Variants in TMEM114 observed in about 807,000 individuals in gnomAD.
TMEM114 encodes the protein claudin-26.
TMEM114 carries 6 observed loss-of-function variants against 6.2 expected under a neutral mutation model. That is an observed-to-expected ratio of 0.97 (90% confidence interval 0.53 to 1.91). The LOEUF (loss-of-function observed/expected upper bound fraction) is 1.91, where lower values mean the gene tolerates loss of function less well. Among genes scored for constraint, TMEM114 ranks in the 40% most tolerant of loss-of-function variants. The pLI is 0.01. For missense variants in TMEM114, 218 were observed against 158.3 expected, an observed-to-expected ratio of 1.38 and a Z score of -2.02; for synonymous variants, 104 against 73.0, an observed-to-expected ratio of 1.42 and a Z score of -2.16.
intron 2 of TMEM114, among the ~76,000 whole-genome samples, chr16:8,585,059 C>A (rs1385789293): frequency 6.6e-6 from 1 of 152,070 alleles, no homozygotes; most frequent in Admixed American, 6.6e-5. Context: ...GCCTCACAAT[C>A]CTGGCTGAAG....
At chr16:8,544,897 G>A (rs1233707686) in intron 2 of TMEM114, among the ~76,000 whole-genome samples, 2 of 151,098 alleles carry the variant, frequency 1.3e-5, no homozygotes, top group East Asian at 3.9e-4. Flanking sequence ...TATTCCAAGT[G>A]GTTACTCTTC....
chr16:8,544,883 T>A (rs529742500), intron 2 of TMEM114, among the ~76,000 whole-genome samples: 2 of 152,194 alleles, frequency 1.3e-5, no homozygotes, highest in South Asian at 2.1e-4. Context: ...AATATGAATG[T>A]GTCTATTCCA....
chr16:8,551,967 G>T (rs1186507341), intron 2 of TMEM114, among the ~76,000 whole-genome samples: 1 of 152,184 alleles, frequency 6.6e-6, no homozygotes, highest in East Asian at 1.9e-4. Flanking sequence ...GCTGAGTGAA[G>T]AAAAGCCAGT....
At chr16:8,537,431 G>A (rs1460583755), downstream of TMEM114, among the ~76,000 whole-genome samples, 1 of 152,118 alleles carries the variant, frequency 6.6e-6, no homozygotes, top group Non-Finnish European at 1.5e-5. Context: ...AACCCGGGAG[G>A]CAGAGGTTTC....
At chr16:8,579,866 C>G (rs1451326849) in intron 2 of TMEM114, among the ~76,000 whole-genome samples, 1 of 152,086 alleles carries the variant, frequency 6.6e-6, no homozygotes, top group African/African-American at 2.4e-5. Flanking sequence ...ACAAAGGGGT[C>G]GTGGGACTGC....
intron 3 of TMEM114, 93 bp downstream of exon 3, chr16:8,571,994 G>A: frequency 7.2e-7 from 1 of 1,397,776 alleles, no homozygotes; most frequent in Non-Finnish European, 9.4e-7. Flanking sequence ...ACGAGGCCCT[G>A]GGATCCCCCT....
intron 2 of TMEM114, among the ~76,000 whole-genome samples, chr16:8,555,792 T>A (rs1294866490): frequency 1.3e-5 from 2 of 152,190 alleles, no homozygotes; most frequent in Non-Finnish European, 2.9e-5. Context: ...ATCTACTGGG[T>A]GGAATCCAGG....
chr16:8,550,717 C>G (rs1405188278), intron 2 of TMEM114, among the ~76,000 whole-genome samples: 1 of 150,804 alleles, frequency 6.6e-6, no homozygotes, highest in Non-Finnish European at 1.5e-5. Flanking sequence ...AAAAAGCAAG[C>G]AAACAAACAA....
At chr16:8,576,228 C>G (rs1322366333) in intron 2 of TMEM114, among the ~76,000 whole-genome samples, 1 of 152,216 alleles carries the variant, frequency 6.6e-6, no homozygotes, top group Non-Finnish European at 1.5e-5. Flanking sequence ...GTCTGCCTCC[C>G]TATAGATAAG....
intron 2 of TMEM114, among the ~76,000 whole-genome samples, chr16:8,551,690 G>A (rs77874540): frequency 0.021 from 3,201 of 152,288 alleles, 104 homozygotes; most frequent in African/African-American, 0.073. Flanking sequence ...ATAGAGTAGC[G>A]CAATTGATAT....
At chr16:8,527,815 G>A in the TMEM114 span, among the ~76,000 whole-genome samples, 2,768 of 152,222 alleles carry the variant, frequency 0.018, 46 homozygotes, top group African/African-American at 0.04. Context: ...TACAGGATGT[G>A]GAGTTTGGGT....
intron 2 of TMEM114, among the ~76,000 whole-genome samples, chr16:8,578,211 C>T (rs935442034): frequency 1.3e-5 from 2 of 152,114 alleles, no homozygotes; most frequent in South Asian, 2.1e-4. Flanking sequence ...TGAAGGCAAA[C>T]TGGGTGGCTT....
intron 2 of TMEM114, among the ~76,000 whole-genome samples, chr16:8,547,819 G>A (rs1484280260): frequency 6.6e-6 from 1 of 152,122 alleles, no homozygotes; most frequent in Non-Finnish European, 1.5e-5. Context: ...TAATTACCAT[G>A]AGAGACTCTC....
downstream of TMEM114, among the ~76,000 whole-genome samples, chr16:8,534,383 A>G (rs1297127136): frequency 6.6e-6 from 1 of 151,266 alleles, no homozygotes; most frequent in Non-Finnish European, 1.5e-5. Flanking sequence ...CATGTCCTTT[A>G]TAGCTATCAC....
chr16:8,539,529 TC>T (rs1314152189), intron 2 of TMEM114, among the ~76,000 whole-genome samples: 1 of 151,924 alleles, frequency 6.6e-6, no homozygotes, highest in Non-Finnish European at 1.5e-5. Context: ...ACCCTCTCCT[TC>T]CATCCTCCCA....
intron 2 of TMEM114, among the ~76,000 whole-genome samples, chr16:8,575,912 T>C (rs1012848099): frequency 1.3e-5 from 2 of 152,198 alleles, no homozygotes; most frequent in African/African-American, 4.8e-5. Context: ...CCGGGAGACC[T>C]GATTCCCATT....
At chr16:8,542,048 C>G (rs1402241527) in intron 2 of TMEM114, among the ~76,000 whole-genome samples, 3 of 152,156 alleles carry the variant, frequency 2.0e-5, no homozygotes, top group African/African-American at 7.2e-5. Flanking sequence ...AGCACGCCAA[C>G]ATTAGGCAGA....
chr16:8,574,578 C>CGTCCTTCT (rs1567208108), intron 2 of TMEM114, among the ~76,000 whole-genome samples: 1 of 33,406 alleles, frequency 3.0e-5, no homozygotes, highest in African/African-American at 2.4e-4. Context: ...TCTTTCCTTC[C>CGTCCTTCT]TTCCTTCTTT....
chr16:8,551,394 A>G (rs928682611), intron 2 of TMEM114, among the ~76,000 whole-genome samples: 5 of 152,224 alleles, frequency 3.3e-5, no homozygotes, highest in African/African-American at 1.2e-4. Context: ...GGCTTAGCCT[A>G]CACTGTGTAG....
Sources: gnomAD v4.1 joint callset for allele counts (sites outside exome capture counted in the v4.1 genomes callset) on GRCh38, gnomAD v4.1.1 for gene constraint, MANE v1.5 for transcripts, NCBI Gene and HGNC (gene_info 2026-07-23, HGNC 2026-07-21) for gene names.